Variants in LYPD5 observed in about 807,000 individuals in gnomAD.
The protein encoded by LYPD5 is ly6/PLAUR domain-containing protein 5.
A neutral mutation model predicts 19.1 loss-of-function variants in LYPD5; 21 were observed. That is an observed-to-expected ratio of 1.10 (90% CI 0.78 to 1.58). The LOEUF (loss-of-function observed/expected upper bound fraction) is 1.58. LYPD5 is among the 40% of genes most tolerant of loss of function. LYPD5 has a pLI of 0.00. For synonymous variants in LYPD5, 128 were observed against 142.7 expected, an observed-to-expected ratio of 0.90 and a Z score of 0.74; for missense variants, 287 against 329.8, an observed-to-expected ratio of 0.87 and a Z score of 1.00.
At chr19:43,815,980 C>T (rs1162438609) in intron 1 of LYPD5, among the ~76,000 whole-genome samples, 3 of 152,118 alleles carry the variant, frequency 2.0e-5, no homozygotes, top group Admixed American at 6.6e-5. Flanking sequence ...GCGATTCACC[C>T]GCCTTGGCCT....
chr19:43,817,286 CGCTTGCAT>C (rs1425780041), intron 1 of LYPD5, among the ~76,000 whole-genome samples: 1 of 152,126 alleles, frequency 6.6e-6, no homozygotes, highest in Non-Finnish European at 1.5e-5. Context: ...GTCTAGTTCA[CGCTTGCAT>C]GAACCCATGG....
chr19:43,799,907 CA>C (rs1412630375), intron 1 of LYPD5, 73 bp from the exon 2 acceptor site: 9 of 1,505,500 alleles, frequency 6.0e-6, no homozygotes, highest in Non-Finnish European at 7.1e-6. Flanking sequence ...CTCCACCCAG[CA>C]AATGACAGGC....
intron 1 of LYPD5, among the ~76,000 whole-genome samples, chr19:43,809,835 A>G (rs968284533): frequency 2.0e-5 from 3 of 152,264 alleles, no homozygotes; most frequent in Admixed American, 6.5e-5. Flanking sequence ...TGTTCTGCAT[A>G]TCAGGTGGAA....
chr19:43,820,597 A>T (rs976583261), exon 1 of LYPD5: 3 of 152,346 alleles, frequency 2.0e-5, no homozygotes, highest in Admixed American at 1.3e-4. Context: ...CCCTGCTTCG[A>T]TGTCTCCTTC....
chr19:43,815,736 T>C (rs1235996907), intron 1 of LYPD5: 1 of 414,094 alleles, frequency 2.4e-6, no homozygotes. Flanking sequence ...ATTATTTTTA[T>C]TTTATTTTAT....
chr19:43,799,231 G>T, intron 2 of LYPD5, among the ~76,000 whole-genome samples: 1 of 150,442 alleles, frequency 6.6e-6, no homozygotes, highest in African/African-American at 2.5e-5. Flanking sequence ...CTCACCGCTC[G>T]TCCCTCATCC....
At chr19:43,799,678 T>C (rs748686828) in intron 2 of LYPD5, 28 bp downstream of exon 2, 1 of 1,600,506 alleles carries the variant, frequency 6.2e-7, no homozygotes, top group Admixed American at 1.7e-5. Context: ...TAATCTCTCA[T>C]CCCTGTCCCC....
At chr19:43,799,667 C>G (rs1156278533) in intron 2 of LYPD5, 39 bp downstream of exon 2, 2 of 1,582,104 alleles carry the variant, frequency 1.3e-6, no homozygotes, top group Admixed American at 3.7e-5. Flanking sequence ...TTTTTCCTCC[C>G]TAATCTCTCA....
chr19:43,817,629 G>A (rs1345059905), intron 1 of LYPD5, among the ~76,000 whole-genome samples: 1 of 152,058 alleles, frequency 6.6e-6, no homozygotes, highest in Non-Finnish European at 1.5e-5. Flanking sequence ...TCTAAATTTT[G>A]ATGATGATGC....
chr19:43,807,509 C>G (rs1431502885), intron 1 of LYPD5, among the ~76,000 whole-genome samples: 2 of 152,074 alleles, frequency 1.3e-5, no homozygotes, highest in African/African-American at 4.8e-5. Context: ...GTCTCGAACT[C>G]CTGATCTCAG....
upstream of LYPD5, among the ~76,000 whole-genome samples, chr19:43,804,210 T>C (rs1040566085): frequency 9.2e-5 from 14 of 152,138 alleles, no homozygotes; most frequent in African/African-American, 3.4e-4. Flanking sequence ...GGAATGTCTT[T>C]TTCAAGGACC....
intron 2 of LYPD5, 176 bp from the exon 3 acceptor site, chr19:43,799,164 T>G: frequency 3.1e-6 from 2 of 652,822 alleles, no homozygotes; most frequent in Admixed American, 3.3e-5. Context: ...TCCTCCACTC[T>G]TCCTCCCTGT....
In LYPD5 at chr19:43,802,393, C is replaced by A; in HGVS notation, c.-13G>T. The A allele has an allele frequency of 1.3e-6, 2 of 1,551,312 alleles. No individual in the cohort carries two copies. The highest frequency in any genetic ancestry group is 1.4e-5 in the African/African-American group (1 of 73,150). ...CCCCCATTGCCATTGCTGAGCTGGG[C>A]CACCTGGGACAGCTCCTCCCGCTGT... On this transcript the variant is annotated 5_prime_UTR_variant, in exon 1 of 5. Transcript: ENST00000377950.
At chr19:43,804,351 T>C (rs1293350101), upstream of LYPD5, among the ~76,000 whole-genome samples, 2 of 151,218 alleles carry the variant, frequency 1.3e-5, no homozygotes, top group Non-Finnish European at 3.0e-5. Context: ...GAGAAAAACA[T>C]TTGCAGACTC....
In LYPD5 at chr19:43,814,812, T is replaced by C. The variant is rs1599698858; in HGVS notation, c.-66+5728A>G. 5.3e-5 allele frequency among the ~76,000 whole-genome samples: 8 copies of C among 152,292 alleles called. No homozygotes were observed. The East Asian group carries it at 1.5e-3, about 29-fold the overall frequency. ...ACTCTTTTGTGCCATCTAGATCTCT[T>C]ACAATGAATTAATACTGTGCCCAAA... On this transcript the variant is annotated intron_variant, in intron 1 of 4. Coordinates refer to the LYPD5 transcript ENST00000414615.
intron 1 of LYPD5, among the ~76,000 whole-genome samples, chr19:43,810,521 C>T (rs1970311143): frequency 7.1e-6 from 1 of 140,772 alleles, no homozygotes; most frequent in Admixed American, 7.2e-5. Flanking sequence ...AGTTTCTACC[C>T]TTCCCTTCCG....
chr19:43,818,072 G>A (rs974166374), intron 1 of LYPD5, among the ~76,000 whole-genome samples: 30 of 152,176 alleles, frequency 2.0e-4, no homozygotes, highest in Non-Finnish European at 8.8e-5. Flanking sequence ...ACCAGAAGAT[G>A]AGCATATCTA....
At chr19:43,801,660 G>T (rs1046438646) in intron 1 of LYPD5, among the ~76,000 whole-genome samples, 33 of 152,186 alleles carry the variant, frequency 2.2e-4, no homozygotes, top group African/African-American at 8.0e-4. Context: ...AAACGCATTT[G>T]TTCAGACTAA....
chr19:43,810,322 T>G (rs998832212), intron 1 of LYPD5, among the ~76,000 whole-genome samples: 4 of 152,150 alleles, frequency 2.6e-5, no homozygotes, highest in African/African-American at 9.7e-5. Context: ...ATGCTTGTCT[T>G]GCTACTGATG....
Sources: gnomAD v4.1 joint callset for allele counts (sites outside exome capture counted in the v4.1 genomes callset) on GRCh38, gnomAD v4.1.1 for gene constraint, MANE v1.5 for transcripts, NCBI Gene and HGNC (gene_info 2026-07-23, HGNC 2026-07-21) for gene names.